The following FMN1 variants were observed in gnomAD, a reference collection of about 807,000 sequenced individuals.
FMN1 encodes the protein formin 1.
A neutral mutation model predicts 132.4 loss-of-function variants in FMN1; 110 were observed. The ratio of observed to expected loss-of-function variants is 0.83; its 90% CI spans 0.71 to 0.97. FMN1 has a LOEUF of 0.97. FMN1 is among the 50% of genes least tolerant of loss of function. FMN1 has a pLI of 0.00. For missense variants in FMN1, 1,792 were observed against 1,705.3 expected (o/e 1.05, Z -0.90); for synonymous variants, 722 against 651.7 (o/e 1.11, Z -1.64).
At chr15:33,071,872 A>G (rs964165552) in intron 5 of FMN1, among the ~76,000 whole-genome samples, 1 of 152,188 alleles carries the variant, frequency 6.6e-6, no homozygotes, top group African/African-American at 2.4e-5. Flanking sequence ...AAGCTTTAAC[A>G]TTTTCAGGGA....
At chr15:33,128,453 A>C (rs1208056723) in intron 4 of FMN1, among the ~76,000 whole-genome samples, 1 of 152,216 alleles carries the variant, frequency 6.6e-6, no homozygotes, top group East Asian at 1.9e-4. Context: ...TTTTATTCCT[A>C]TGACATTGCA....
intron 3 of FMN1, among the ~76,000 whole-genome samples, chr15:33,167,381 G>A (rs571777563): frequency 7.9e-5 from 12 of 152,292 alleles, no homozygotes; most frequent in South Asian, 2.1e-4. Flanking sequence ...CTCCCCAGCC[G>A]TGTGGAACTG....
chr15:33,130,750 G>A (rs187441357), intron 4 of FMN1, among the ~76,000 whole-genome samples: 11 of 152,194 alleles, frequency 7.2e-5, no homozygotes, highest in South Asian at 6.2e-4. Flanking sequence ...GTCTGTATTC[G>A]TTTCAGAGTC....
intron 15 of FMN1, among the ~76,000 whole-genome samples, chr15:32,892,141 A>C (rs1485490738): frequency 6.6e-6 from 1 of 152,148 alleles, no homozygotes; most frequent in East Asian, 1.9e-4. Context: ...TCCAGTTCTC[A>C]GAGGGAATGC....
intron 9 of FMN1, among the ~76,000 whole-genome samples, chr15:32,937,400 C>G (rs2061300824): frequency 6.6e-6 from 1 of 152,196 alleles, no homozygotes. Flanking sequence ...CTATTAGCTT[C>G]AATACAACTG....
chr15:33,077,556 TTCC>T (rs2038267200), intron 5 of FMN1, among the ~76,000 whole-genome samples: 1 of 151,706 alleles, frequency 6.6e-6, no homozygotes, highest in African/African-American at 2.4e-5. Flanking sequence ...GATGTTCCCC[TTCC>T]TATGTCCATG....
chr15:32,832,603 C>A (rs187745600), intron 17 of FMN1, among the ~76,000 whole-genome samples: 63 of 152,198 alleles, frequency 4.1e-4, no homozygotes, highest in Non-Finnish European at 7.1e-4. Flanking sequence ...CATGGTGAAA[C>A]CCTGTCTCTA....
chr15:32,834,961 G>T lies in FMN1; in HGVS notation c.3928+22054C>A, dbSNP rs115121936. 7.8e-3 allele frequency among the ~76,000 whole-genome samples: 1,191 copies of T among 152,306 alleles called. 14 individuals carry two copies. The highest frequency in any genetic ancestry group is 0.027 in the African/African-American group (1,128 of 41,578). On this transcript the variant is annotated intron_variant, in intron 17 of 20. Coordinates refer to ENST00000616417, the MANE Select transcript of FMN1 (RefSeq NM_001277313.2). ...AAGCTTTTAAAAGTCTTGCTGTTCTGAAACTGCCATTGCAGTTTGGCTTTG... is the reference window on the plus strand; with the variant it reads ...AAGCTTTTAAAAGTCTTGCTGTTCTTAAACTGCCATTGCAGTTTGGCTTTG...
intron 4 of FMN1, among the ~76,000 whole-genome samples, chr15:33,127,927 GAA>G (rs1566940979): frequency 7.5e-6 from 1 of 133,044 alleles, no homozygotes; most frequent in East Asian, 3.4e-4. Flanking sequence ...GATGGAAATA[GAA>G]GAAGAGGCAG....
intron 15 of FMN1, among the ~76,000 whole-genome samples, chr15:32,891,271 G>A (rs951885415): frequency 6.6e-6 from 1 of 152,082 alleles, no homozygotes; most frequent in Non-Finnish European, 1.5e-5. Context: ...TTCTTGAGAC[G>A]GAGTCTCGCT....
chr15:33,170,910 G>T (rs1429728670), intron 3 of FMN1, among the ~76,000 whole-genome samples: 1 of 152,028 alleles, frequency 6.6e-6, no homozygotes, highest in East Asian at 1.9e-4. Flanking sequence ...CCAATATAAA[G>T]AAAATCAGTA....
At chr15:33,065,797 A>G (rs1211580818) in intron 5 of FMN1, among the ~76,000 whole-genome samples, 1 of 152,214 alleles carries the variant, frequency 6.6e-6, no homozygotes, top group Non-Finnish European at 1.5e-5. Flanking sequence ...GATCTACTGG[A>G]CAGGTACTTG....
intron 15 of FMN1, among the ~76,000 whole-genome samples, chr15:32,895,436 G>C (rs147413679): frequency 1.7e-3 from 266 of 152,036 alleles, no homozygotes; most frequent in African/African-American, 6.1e-3. Flanking sequence ...TGTTCCTGTA[G>C]GTAGGAACAG....
chr15:32,930,181 G>C, intron 9 of FMN1, among the ~76,000 whole-genome samples: 1 of 151,794 alleles, frequency 6.6e-6, no homozygotes. Flanking sequence ...AGTAGACGGG[G>C]TTTCACCGTG....
intron 4 of FMN1, among the ~76,000 whole-genome samples, chr15:33,096,168 C>T (rs1237071543): frequency 6.6e-6 from 1 of 152,072 alleles, no homozygotes; most frequent in Non-Finnish European, 1.5e-5. Flanking sequence ...CAAGCTGATC[C>T]CTGATGGCTG....
At chr15:32,844,369 G>C (rs1338169713) in intron 17 of FMN1, among the ~76,000 whole-genome samples, 1 of 152,082 alleles carries the variant, frequency 6.6e-6, no homozygotes, top group Non-Finnish European at 1.5e-5. Context: ...CATGAAGTGT[G>C]ATCTATCAGA....
intron 19 of FMN1, among the ~76,000 whole-genome samples, chr15:32,797,373 T>C (rs1243305160): frequency 6.6e-6 from 1 of 152,162 alleles, no homozygotes; most frequent in African/African-American, 2.4e-5. Context: ...CTGTGGGATG[T>C]CCCAGCCTCA....
intron 4 of FMN1, among the ~76,000 whole-genome samples, chr15:33,141,125 C>A (rs992372380): frequency 2.0e-5 from 3 of 152,100 alleles, no homozygotes; most frequent in Non-Finnish European, 4.4e-5. Context: ...TAAATGATAT[C>A]ATCTGTCATA....
intron 7 of FMN1, among the ~76,000 whole-genome samples, chr15:32,983,487 A>C (rs114711977): frequency 0.014 from 2,080 of 152,340 alleles, 43 homozygotes; most frequent in African/African-American, 0.048. Flanking sequence ...CACTTAGAAC[A>C]GCAATTTTTT....
Sources: allele counts gnomAD v4.1 joint callset (sites outside exome capture counted in the v4.1 genomes callset), GRCh38; gene constraint gnomAD v4.1.1; transcripts MANE v1.5; gene names NCBI Gene and HGNC (gene_info 2026-07-23, HGNC 2026-07-21).